LINGO2: variants seen among roughly 807,000 people sequenced by gnomAD.
LINGO2 encodes leucine rich repeat and Ig domain containing 2, also known as leucine-rich repeat and immunoglobulin-like domain-containing nogo receptor-interacting protein 2.
In LINGO2, 14 loss-of-function variants were observed where a neutral mutation model predicts 30.6. The observed-to-expected ratio is 0.46, with a 90% CI of 0.30 to 0.72. LINGO2 has a LOEUF of 0.72. Ranked by LOEUF, LINGO2 falls within the 30% of genes least tolerant of loss-of-function variation. LINGO2 has a pLI of 0.07. For missense variants in LINGO2, 729 were observed against 751.7 expected (o/e 0.97, Z 0.35); for synonymous variants, 317 against 288.5 (o/e 1.10, Z -1.00).
At chr9:28,051,783 GAT>G (rs527655460) in intron 4 of LINGO2, among the ~76,000 whole-genome samples, 1 of 151,900 alleles carries the variant, frequency 6.6e-6, no homozygotes, top group Non-Finnish European at 1.5e-5. Flanking sequence ...TTTGTAAGTT[GAT>G]ATAAACAGAT....
At chr9:28,418,952 T>A (rs1823078546) in intron 2 of LINGO2, among the ~76,000 whole-genome samples, 1 of 152,140 alleles carries the variant, frequency 6.6e-6, no homozygotes, top group African/African-American at 2.4e-5. Context: ...ATACACATTT[T>A]TCCTCCTTTG....
chr9:28,575,741 G>T (rs75011727), intron 1 of LINGO2, among the ~76,000 whole-genome samples: 12 of 151,934 alleles, frequency 7.9e-5, no homozygotes, highest in Admixed American at 7.9e-4. Context: ...ATACAAATAC[G>T]TCTTATTTTG....
At chr9:28,041,917 G>A (rs1824214292) in intron 4 of LINGO2, among the ~76,000 whole-genome samples, 1 of 152,168 alleles carries the variant, frequency 6.6e-6, no homozygotes, top group Admixed American at 6.5e-5. Context: ...GTGAGTCAAT[G>A]AGGTGCAGTA....
At chr9:29,161,521 T>C in the LINGO2 span, among the ~76,000 whole-genome samples, 2 of 152,238 alleles carry the variant, frequency 1.3e-5, no homozygotes, top group Admixed American at 1.3e-4. Context: ...AATAAGTGTG[T>C]TGGAATTCTT....
intron 2 of LINGO2, among the ~76,000 whole-genome samples, chr9:28,461,969 G>C (rs1825098223): frequency 6.6e-6 from 1 of 152,078 alleles, no homozygotes; most frequent in South Asian, 2.1e-4. Context: ...CAGTGACTTA[G>C]TCTAATGTTA....
chr9:28,847,948 C>CAT, the LINGO2 span, among the ~76,000 whole-genome samples: 1 of 73,650 alleles, frequency 1.4e-5, no homozygotes, highest in Non-Finnish European at 2.9e-5. Flanking sequence ...TATATGTATG[C>CAT]ATATATATAC....
chr9:28,804,812 A>T, the LINGO2 span, among the ~76,000 whole-genome samples: 1 of 152,100 alleles, frequency 6.6e-6, no homozygotes, highest in Non-Finnish European at 1.5e-5. Context: ...GATCATTTTT[A>T]CCATTTTTAT....
intron 4 of LINGO2, among the ~76,000 whole-genome samples, chr9:28,253,668 A>G (rs1482491866): frequency 6.6e-6 from 1 of 152,142 alleles, no homozygotes; most frequent in East Asian, 1.9e-4. Context: ...CAGGGTCTGG[A>G]AACAGGCTCA....
intron 4 of LINGO2, among the ~76,000 whole-genome samples, chr9:28,153,759 C>G (rs1347115182): frequency 6.6e-6 from 1 of 152,038 alleles, no homozygotes; most frequent in African/African-American, 2.4e-5. Flanking sequence ...CAGAGCTATG[C>G]TATTTGGTGT....
chr9:28,952,663 C>G, the LINGO2 span, among the ~76,000 whole-genome samples: 37 of 152,156 alleles, frequency 2.4e-4, no homozygotes, highest in Admixed American at 1.6e-3. Flanking sequence ...AGACCTATGG[C>G]CCCCTGACAG....
intron 2 of LINGO2, among the ~76,000 whole-genome samples, chr9:28,379,394 T>A (rs1227572292): frequency 6.6e-6 from 1 of 151,812 alleles, no homozygotes; most frequent in Non-Finnish European, 1.5e-5. Flanking sequence ...GAAAGTAGAG[T>A]GGTGTGGTTC....
chr9:28,493,595 T>C (rs1826485871), intron 1 of LINGO2, among the ~76,000 whole-genome samples: 2 of 152,268 alleles, frequency 1.3e-5, no homozygotes, highest in South Asian at 4.1e-4. Flanking sequence ...CAAACAAATA[T>C]ATAACAAAAA....
At chr9:28,786,948 A>G in the LINGO2 span, among the ~76,000 whole-genome samples, 1 of 152,164 alleles carries the variant, frequency 6.6e-6, no homozygotes, top group African/African-American at 2.4e-5. Flanking sequence ...TTATTTTGCA[A>G]TAGGTCTGCC....
chr9:28,961,156 C>G, the LINGO2 span, among the ~76,000 whole-genome samples: 2 of 152,144 alleles, frequency 1.3e-5, no homozygotes, highest in East Asian at 3.8e-4. Context: ...AGGCACAATT[C>G]TCTAGATGGC....
chr9:28,210,978 G>A (rs147707341), intron 4 of LINGO2, among the ~76,000 whole-genome samples: 224 of 151,440 alleles, frequency 1.5e-3, no homozygotes, highest in Non-Finnish European at 2.2e-3. Flanking sequence ...CTATTCATTC[G>A]AAATGATGAA....
chr9:28,199,388 G>T (rs1287374910), intron 4 of LINGO2, among the ~76,000 whole-genome samples: 1 of 140,086 alleles, frequency 7.1e-6, no homozygotes, highest in Admixed American at 7.2e-5. Context: ...CGCCAGGCTG[G>T]AGTGCAGTGG....
chr9:28,996,137 C>T, the LINGO2 span, among the ~76,000 whole-genome samples: 2 of 147,954 alleles, frequency 1.4e-5, no homozygotes, highest in African/African-American at 5.0e-5. Context: ...AAAAAAAGGA[C>T]TGTGAAGTAA....
chr9:28,189,336 G>T (rs1819679993), intron 4 of LINGO2, among the ~76,000 whole-genome samples: 1 of 64,908 alleles, frequency 1.5e-5, no homozygotes, highest in Non-Finnish European at 3.2e-5. Flanking sequence ...AGGGAGGAAG[G>T]AAGGAAGGGA....
At chr9:28,243,038 T>C (rs926506142) in intron 4 of LINGO2, among the ~76,000 whole-genome samples, 9 of 152,042 alleles carry the variant, frequency 5.9e-5, no homozygotes, top group African/African-American at 2.2e-4. Context: ...ATAAACACCA[T>C]TGACATCATG....
Sources: allele counts gnomAD v4.1 joint callset (sites outside exome capture counted in the v4.1 genomes callset), GRCh38; gene constraint gnomAD v4.1.1; transcripts MANE v1.5; gene names NCBI Gene and HGNC (gene_info 2026-07-23, HGNC 2026-07-21).